Variants in KCNH1 observed in about 807,000 individuals in gnomAD.
KCNH1 encodes the protein voltage-gated delayed rectifier potassium channel KCNH1.
KCNH1 carries 27 observed loss-of-function variants against 69.2 expected under a neutral mutation model. The ratio of observed to expected loss-of-function variants is 0.39; its 90% CI spans 0.29 to 0.54. The LOEUF (loss-of-function observed/expected upper bound fraction) is 0.54, where lower values mean the gene tolerates loss of function less well. KCNH1 is among the 20% of genes least tolerant of loss of function. KCNH1 has a pLI of 0.68. For synonymous variants in KCNH1, 456 were observed against 487.7 expected (o/e 0.93, Z 0.86); for missense variants, 798 against 1,261.6 (o/e 0.63, Z 5.57).
At chr1:210,991,632 C>CACACAT (rs1558557693) in intron 6 of KCNH1, among the ~76,000 whole-genome samples, 1 of 144,906 alleles carries the variant, frequency 6.9e-6, no homozygotes, top group African/African-American at 2.5e-5. Flanking sequence ...CACACACACA[C>CACACAT]ATAACACATA....
At chr1:210,898,070 C>G (rs141632501) in intron 7 of KCNH1, among the ~76,000 whole-genome samples, 1,867 of 152,296 alleles carry the variant, frequency 0.012, 30 homozygotes, top group Middle Eastern at 0.051. Flanking sequence ...ATTCTTTTCT[C>G]TTTCCCTGTG....
intron 10 of KCNH1, among the ~76,000 whole-genome samples, chr1:210,712,255 A>G (rs1280010863): frequency 6.6e-6 from 1 of 152,198 alleles, no homozygotes; most frequent in Non-Finnish European, 1.5e-5. Context: ...AAAACAACTC[A>G]AATAAAAATA....
intron 6 of KCNH1, among the ~76,000 whole-genome samples, chr1:211,009,767 C>G (rs952911183): frequency 6.6e-6 from 1 of 151,926 alleles, no homozygotes; most frequent in African/African-American, 2.4e-5. Context: ...TGCCACCATG[C>G]CCGGTTAATT....
At chr1:210,759,723 A>G (rs1163110528) in intron 10 of KCNH1, among the ~76,000 whole-genome samples, 2 of 152,252 alleles carry the variant, frequency 1.3e-5, no homozygotes, top group Non-Finnish European at 2.9e-5. Context: ...CATTCTCAAG[A>G]GAGAAGAGAT....
intron 10 of KCNH1, among the ~76,000 whole-genome samples, chr1:210,695,163 G>T (rs143895435): frequency 6.6e-6 from 1 of 152,208 alleles, no homozygotes; most frequent in African/African-American, 2.4e-5. Flanking sequence ...AGGCCATGAC[G>T]CCACTCTCCT....
At chr1:210,838,768 T>G (rs1413340404) in intron 7 of KCNH1, among the ~76,000 whole-genome samples, 1 of 152,168 alleles carries the variant, frequency 6.6e-6, no homozygotes, top group Middle Eastern at 3.2e-3. Context: ...GAACAGACAC[T>G]TCTCAAAAGA....
intron 7 of KCNH1, among the ~76,000 whole-genome samples, chr1:210,835,903 G>A (rs1346551322): frequency 1.3e-5 from 2 of 151,946 alleles, no homozygotes; most frequent in Non-Finnish European, 2.9e-5. Flanking sequence ...ACCAAGGTAG[G>A]CAGATCACCT....
intron 6 of KCNH1, among the ~76,000 whole-genome samples, chr1:210,983,752 C>T (rs1356977048): frequency 2.0e-5 from 3 of 152,064 alleles, no homozygotes; most frequent in East Asian, 3.9e-4. Context: ...CTTGGCGATG[C>T]GGGCTCTTTT....
intron 9 of KCNH1, among the ~76,000 whole-genome samples, chr1:210,790,754 C>G (rs965036295): frequency 4.6e-5 from 7 of 152,220 alleles, no homozygotes; most frequent in African/African-American, 1.7e-4. Flanking sequence ...GCCATAGTTA[C>G]CTACCAGCCT....
At chr1:210,830,059 C>T (rs1479386461) in intron 7 of KCNH1, among the ~76,000 whole-genome samples, 1 of 152,146 alleles carries the variant, frequency 6.6e-6, no homozygotes, top group Non-Finnish European at 1.5e-5. Flanking sequence ...TGCCTACCAC[C>T]TCAAGAGTGC....
At position 210,814,062 on chromosome 1, in the gene KCNH1, T is replaced by C. The variant is rs1225246131; in HGVS notation, c.1463-9896A>G. On this transcript the variant is annotated intron_variant, in intron 7 of 10. Coordinates refer to ENST00000271751, the MANE Select transcript of KCNH1 (RefSeq NM_172362.3). Reference sequence around the variant, plus strand: ...CATAAATTACCCAGTCTCAGGTATGTCTTTATTGGCAGCATGAAAATGGAC... The same window carrying C: ...CATAAATTACCCAGTCTCAGGTATGCCTTTATTGGCAGCATGAAAATGGAC... Among the ~76,000 whole-genome samples, 4 of 152,160 alleles carry C rather than the reference T, an allele frequency of 2.6e-5. No individual in the cohort carries two copies. In the East Asian group the frequency reaches 7.7e-4, roughly 29 times the overall value.
intron 10 of KCNH1, among the ~76,000 whole-genome samples, chr1:210,737,719 G>A (rs1478399915): frequency 6.6e-6 from 1 of 152,020 alleles, no homozygotes. Flanking sequence ...AGTTCATCAG[G>A]CCAAAGGCCT....
intron 6 of KCNH1, among the ~76,000 whole-genome samples, chr1:211,010,410 T>C (rs1315655054): frequency 6.6e-6 from 1 of 152,160 alleles, no homozygotes; most frequent in Non-Finnish European, 1.5e-5. Context: ...TGATGGCTTC[T>C]TTGTGCCCAC....
intron 6 of KCNH1, among the ~76,000 whole-genome samples, chr1:210,925,412 T>A (rs1251409752): frequency 1.3e-5 from 2 of 152,204 alleles, no homozygotes; most frequent in East Asian, 3.9e-4. Context: ...TACAGGCTCC[T>A]TGATATGCCA....
intron 10 of KCNH1, among the ~76,000 whole-genome samples, chr1:210,759,655 A>T (rs1683475861): frequency 6.6e-6 from 1 of 152,186 alleles, no homozygotes. Flanking sequence ...TTAAAAAATG[A>T]ACTAAGCCTT....
At chr1:210,750,045 C>T (rs1363179267) in intron 10 of KCNH1, among the ~76,000 whole-genome samples, 1 of 152,158 alleles carries the variant, frequency 6.6e-6, no homozygotes, top group Non-Finnish European at 1.5e-5. Flanking sequence ...GTCCAGCTGG[C>T]TGCTTGCTAT....
At chr1:210,723,320 G>C (rs1047550491) in intron 10 of KCNH1, among the ~76,000 whole-genome samples, 1 of 148,288 alleles carries the variant, frequency 6.7e-6, no homozygotes, top group Non-Finnish European at 1.5e-5. Context: ...TTTGTTAGGA[G>C]GACCATGGTC....
intron 1 of KCNH1, among the ~76,000 whole-genome samples, chr1:211,118,909 T>C (rs144645130): frequency 6.6e-6 from 1 of 152,344 alleles, no homozygotes; most frequent in African/African-American, 2.4e-5. Flanking sequence ...CACACAAGTG[T>C]ACTGTTCCCT....
chr1:210,910,277 C>A (rs868331582), intron 7 of KCNH1, among the ~76,000 whole-genome samples: 35 of 102,736 alleles, frequency 3.4e-4, no homozygotes, highest in East Asian at 5.4e-4. Flanking sequence ...CATCAAGCAC[C>A]AAAAAAAAAA....
Sources: allele counts gnomAD v4.1 joint callset (sites outside exome capture counted in the v4.1 genomes callset), GRCh38; gene constraint gnomAD v4.1.1; transcripts MANE v1.5; gene names NCBI Gene and HGNC (gene_info 2026-07-23, HGNC 2026-07-21).